Variants in NASP observed in about 807,000 individuals in gnomAD.
The protein encoded by NASP is nuclear autoantigenic sperm protein.
A neutral mutation model predicts 89.5 loss-of-function variants in NASP; 24 were observed. The ratio of observed to expected loss-of-function variants is 0.27; its 90% CI spans 0.19 to 0.38. The LOEUF is 0.38. NASP is among the 10% of genes least tolerant of loss of function. The pLI, the probability that NASP is intolerant of heterozygous loss-of-function variation, is 1.00. For missense variants in NASP, 848 were observed against 921.4 expected, an observed-to-expected ratio of 0.92 and a Z score of 1.03; for synonymous variants, 306 against 324.7, an observed-to-expected ratio of 0.94 and a Z score of 0.62.
At chr1:45,604,288 T>G (rs1158806860) in intron 3 of NASP, among the ~76,000 whole-genome samples, 2 of 152,244 alleles carry the variant, frequency 1.3e-5, no homozygotes, top group African/African-American at 4.8e-5. Context: ...CTTACGTAAT[T>G]TTTGTCCTTC....
chr1:45,599,359 C>T (rs754325975), intron 2 of NASP, among the ~76,000 whole-genome samples: 23 of 152,198 alleles, frequency 1.5e-4, no homozygotes, highest in Admixed American at 1.3e-3. Context: ...CTCCCACCTT[C>T]GCCTCCCAAA....
intron 2 of NASP, among the ~76,000 whole-genome samples, chr1:45,596,779 C>T (rs1168269711): frequency 6.6e-6 from 1 of 151,810 alleles, no homozygotes; most frequent in Non-Finnish European, 1.5e-5. Context: ...ATCAGGAGTT[C>T]GAGACCAGTT....
At chr1:45,610,118 G>C (rs1643979498) in intron 6 of NASP, 1 of 152,162 alleles carries the variant, frequency 6.6e-6, no homozygotes, top group African/African-American at 2.4e-5. Context: ...AGAATCGCTT[G>C]AACCCGGGAG....
In NASP at chr1:45,607,563, G is replaced by C. The variant is rs1432968064; in HGVS notation, c.652G>C (p.Ala218Pro). Residue 218 changes from alanine to proline, a missense_variant, in exon 6 of 15, where the codon GCA (alanine) becomes CCA (proline). Physicochemically the swap from Ala to Pro is conservative, Grantham distance 27. Around this residue, in one of 5 missense-constraint regions of NASP, gnomAD observed 464 missense variants for 469.4 expected, o/e 0.99. Transcript: ENST00000350030. ...CTCTGAAGAGGCAAAAGGAGGAGCA[G>C]CACCAGAAGGACCGAATGAAGCTGA... ...ETSEEAKGGA[A>P]PEGPNEAEVT... 1 of 1,613,960 alleles carries C rather than the reference G, an allele frequency of 6.2e-7. No individual in the cohort carries two copies. Among genetic ancestry groups the C allele is most frequent in the South Asian group, 1.1e-5 (1 of 91,074 alleles).
intron 2 of NASP, among the ~76,000 whole-genome samples, chr1:45,597,074 C>G (rs1315345033): frequency 6.6e-6 from 1 of 152,170 alleles, no homozygotes; most frequent in Non-Finnish European, 1.5e-5. Context: ...CTTTGGGAGG[C>G]CAAGGCAGCG....
At chr1:45,615,508 G>A in intron 11 of NASP, 37 bp downstream of exon 11, 2 of 1,575,562 alleles carry the variant, frequency 1.3e-6, no homozygotes, top group African/African-American at 2.7e-5. Context: ...AGCATGTTTG[G>A]TACCATTTAT....
At chr1:45,616,203 A>T in intron 11 of NASP, 134 bp from the exon 12 acceptor site, 1 of 785,338 alleles carries the variant, frequency 1.3e-6, no homozygotes, top group Non-Finnish European at 2.2e-6. Context: ...CAGGGGTAGA[A>T]CTGGATACTA....
At chr1:45,609,992 A>C (rs1643975571) in intron 6 of NASP, 1 of 152,208 alleles carries the variant, frequency 6.6e-6, no homozygotes, top group African/African-American at 2.4e-5. Context: ...CATGGTCAGA[A>C]GTTTGAGACC....
chr1:45,618,097 G>A lies in NASP; in HGVS notation c.2323G>A (p.Gly775Arg), dbSNP rs1644139209. The change falls in exon 15 of 15, where the codon GGG becomes AGG. Residue 775 changes from glycine to arginine, a missense_variant. This residue lies in a region of NASP where 218 missense variants were observed against 219.6 expected (regional missense o/e 0.99). Transcript: ENST00000350030. ...NQAESRAAVE[G>R]TVEAGATVES... is the part of the protein sequence containing the mutation. Reference sequence around the variant, plus strand: ...GGCTGAAAGCCGGGCAGCAGTGGAGGGGACAGTGGAGGCTGGAGCTACAGT... The same window carrying A: ...GGCTGAAAGCCGGGCAGCAGTGGAGAGGACAGTGGAGGCTGGAGCTACAGT... The A allele has an allele frequency of 6.2e-7, 1 of 1,604,236 alleles. No individual in the cohort carries two copies. The highest frequency in any genetic ancestry group is 8.5e-7 in the Non-Finnish European group (1 of 1,175,264).
intron 1 of NASP, among the ~76,000 whole-genome samples, chr1:45,587,049 C>G (rs1385286765): frequency 6.6e-6 from 1 of 152,180 alleles, no homozygotes; most frequent in Non-Finnish European, 1.5e-5. Context: ...TATTGGACCA[C>G]AGTTTTGTCG....
In NASP at chr1:45,604,980, T is replaced by TC; in HGVS notation, c.264dup (p.Phe89LeufsTer38). ...ACAGCTAATGAGTGTGGAGAAGCCT[T>TC]CTTTTTCTATGGGAAATCACTTCTG... On this transcript the variant is annotated frameshift_variant, in exon 4 of 15. Transcript: ENST00000350030. LOFTEE classifies it high-confidence loss of function. The TC allele has an allele frequency of 6.2e-7, 1 of 1,613,226 alleles. No homozygotes were observed. The highest frequency in any genetic ancestry group is 8.5e-7 in the Non-Finnish European group (1 of 1,179,278).
rs1643941021 is a variant in NASP at position 45,608,082 on chromosome 1, C to T, written c.1171C>T (p.Pro391Ser). Reference protein sequence around the residue: ...NGPSVVGDQTPIEPQTSIERL... With the variant: ...NGPSVVGDQTSIEPQTSIERL... ...ACCGTCAGTTGTAGGAGATCAGACT[C>T]CTATTGAACCACAGACTTCTATAGA... Residue 391 changes from proline to serine, a missense_variant, in exon 6 of 15, where the codon CCT becomes TCT. This residue lies in a region of NASP where 464 missense variants were observed against 469.4 expected (regional missense o/e 0.99). Transcript: ENST00000350030. The T allele has an allele frequency of 6.2e-7, 1 of 1,613,928 alleles. No homozygotes were observed. Among genetic ancestry groups the T allele is most frequent in the Non-Finnish European group, 8.5e-7 (1 of 1,179,890 alleles).
rs113162932 is a variant in NASP at position 45,612,043 on chromosome 1, G to GT, written c.1427-1115dup. 8.7e-3 allele frequency: 1,169 copies of GT among 133,816 alleles called. 11 individuals carry two copies. The highest frequency in any genetic ancestry group is 0.05 in the East Asian group (226 of 4,498). The allele number at this position is 133,816 out of a possible 1,614,324, so 8.3% of individuals were successfully genotyped here. ...ACCTGGCTAATTTTTTTGTTTTTTG[G>GT]TTTTTTTTTTTAGTAGAGACGGGGT... On this transcript the variant is annotated intron_variant, in intron 6 of 14. Transcript: ENST00000350030.
At chr1:45,610,048 A>G (rs566335996) in intron 6 of NASP, 1 of 152,078 alleles carries the variant, frequency 6.6e-6, no homozygotes, top group Non-Finnish European at 1.5e-5. Context: ...AAAATACAAA[A>G]ATTAGCTGGA....
chr1:45,587,687 T>TATATATATATATATATATATAA (rs66829841), intron 1 of NASP, among the ~76,000 whole-genome samples: 3,128 of 78,082 alleles, frequency 0.04, 569 homozygotes, highest in East Asian at 0.062. Flanking sequence ...TATATATATA[T>TATATATATATATATATATATAA]AATTAATTTT....
chr1:45,607,798 A>G lies in NASP; in HGVS notation c.887A>G (p.Glu296Gly). The change falls in exon 6 of 15, where the codon GAA becomes GGA. Residue 296 changes from glutamate to glycine, a missense_variant. Physicochemically the swap from Glu to Gly is moderately conservative, Grantham distance 98. Coordinates refer to ENST00000350030, the MANE Select transcript of NASP (RefSeq NM_002482.4). ...LEKQGTAVEV[E>G]AESLDPTVKP... is the part of the protein sequence containing the mutation. The stretch of plus-strand genomic sequence containing the variant: ...AAGCAGGGCACTGCAGTGGAGGTAG[A>G]AGCAGAGTCTTTAGACCCGACAGTC... The G allele has an allele frequency of 6.2e-7, 1 of 1,614,152 alleles. No homozygotes were observed. Among genetic ancestry groups the G allele is most frequent in the Non-Finnish European group, 8.5e-7 (1 of 1,180,020 alleles).
chr1:45,592,850 GT>G (rs1025284120), intron 2 of NASP: 11 of 152,220 alleles, frequency 7.2e-5, no homozygotes, highest in African/African-American at 2.7e-4. Flanking sequence ...AGGGTTTTAT[GT>G]TTTTCATGTT....
chr1:45,603,358 TTA>T (rs1362298052), intron 3 of NASP, among the ~76,000 whole-genome samples: 1 of 152,074 alleles, frequency 6.6e-6, no homozygotes, highest in Non-Finnish European at 1.5e-5. Flanking sequence ...TTACATATAG[TTA>T]AGTTAAATCT....
rs1208590238 is a variant in NASP at position 45,595,126 on chromosome 1, G to GTT, written c.107+3859_107+3860dup. Among the ~76,000 whole-genome samples, 87 of 129,576 alleles carry GTT rather than the reference G, an allele frequency of 6.7e-4. 1 individual carries two copies. Among genetic ancestry groups the GTT allele is most frequent in the African/African-American group, 2.3e-3 (75 of 33,032 alleles). 85.0% of individuals were successfully genotyped at this position (129,576 alleles called of 152,430 possible). A position where few individuals can be genotyped will look rare whatever the true frequency, so the allele number is the denominator to read the frequency against. On this transcript the variant is annotated intron_variant, in intron 2 of 14. Coordinates refer to ENST00000350030, the MANE Select transcript of NASP (RefSeq NM_002482.4). ...CTCCTGCCTCAGCCTGCCAGACTAA[G>GTT]TTTTGTGTGTGTGTGTGTGTGTGTG...
Sources: gnomAD v4.1 joint callset for allele counts (sites outside exome capture counted in the v4.1 genomes callset) on GRCh38, gnomAD v4.1.1 for gene constraint, gnomAD v4.1.1 regional missense constraint, MANE v1.5 for transcripts, NCBI Gene and HGNC (gene_info 2026-07-23, HGNC 2026-07-21) for gene names.